HMCN1: variants seen among roughly 807,000 people sequenced by gnomAD.
The protein encoded by HMCN1 is hemicentin 1.
In HMCN1, 321 loss-of-function variants were observed where a neutral mutation model predicts 625.9. That is an observed-to-expected ratio of 0.51 (90% CI 0.47 to 0.56). HMCN1 has a LOEUF of 0.56. Ranked by LOEUF, HMCN1 falls within the 20% of genes least tolerant of loss-of-function variation. The probability of loss-of-function intolerance (pLI) is 0.00; values close to 1 mark genes in which losing one functional copy is unlikely to be tolerated. For missense variants in HMCN1, 6,588 were observed against 6,887.3 expected, an observed-to-expected ratio of 0.96 and a Z score of 1.54; for synonymous variants, 2,425 against 2,417.6, an observed-to-expected ratio of 1.00 and a Z score of -0.09.
intron 106 of HMCN1, among the ~76,000 whole-genome samples, chr1:186,188,627 TC>T (rs1653509025): frequency 6.6e-6 from 1 of 152,142 alleles, no homozygotes; most frequent in Non-Finnish European, 1.5e-5. Flanking sequence ...GTGATAATAT[TC>T]CTCTTGGATA....
intron 71 of HMCN1, among the ~76,000 whole-genome samples, chr1:186,111,954 C>A (rs775263205): frequency 6.6e-6 from 1 of 152,100 alleles, no homozygotes; most frequent in African/African-American, 2.4e-5. Flanking sequence ...TTGGGCTATT[C>A]CTGAAATGCT....
intron 4 of HMCN1, among the ~76,000 whole-genome samples, chr1:185,871,207 C>A (rs542178786): frequency 5.1e-4 from 71 of 140,536 alleles, no homozygotes; most frequent in Admixed American, 1.5e-3. Context: ...CCAGCCTGGG[C>A]GACAGAGAGA....
chr1:186,115,578 ATTTT>A (rs1180449414), intron 75 of HMCN1, among the ~76,000 whole-genome samples, 164 bp downstream of exon 75: 1 of 152,064 alleles, frequency 6.6e-6, no homozygotes, highest in Non-Finnish European at 1.5e-5. Context: ...AGCCTAAAAT[ATTTT>A]TCTGAATTAT....
intron 1 of HMCN1, among the ~76,000 whole-genome samples, chr1:185,838,621 T>C (rs1477605078): frequency 6.6e-6 from 1 of 152,086 alleles, no homozygotes; most frequent in Non-Finnish European, 1.5e-5. Context: ...AATCATCCCA[T>C]TGAACTTCAC....
In HMCN1 at chr1:185,865,624, CACACACAT is replaced by C. The variant is rs1348728335; in HGVS notation, c.499-116_499-109del. The C allele has an allele frequency of 1.8e-4, 132 of 739,066 alleles. No individual in the cohort carries two copies. In the African/African-American group the frequency reaches 2.1e-3, roughly 12 times the overall value. The allele number at this position is 739,066 out of a possible 1,614,324, so 45.8% of individuals were successfully genotyped here. ...ACACACACACACACACACACACACA[CACACACAT>C]TCACATATTCTACTTGCCCAGTAAT... is the stretch of plus-strand genomic sequence containing the variant. On this transcript the variant is annotated intron_variant, in intron 3 of 106. Transcript: ENST00000271588.
chr1:186,061,336 C>T lies in HMCN1; in HGVS notation c.7313-515C>T, dbSNP rs368945107. Among the ~76,000 whole-genome samples, 63 of 152,168 alleles carry T rather than the reference C, an allele frequency of 4.1e-4. 1 individual carries two copies. The South Asian group carries it at 0.012, about 30-fold the overall frequency. On this transcript the variant is annotated intron_variant, in intron 46 of 106. Coordinates refer to ENST00000271588, the MANE Select transcript of HMCN1 (RefSeq NM_031935.3). ...AGTATGTGAAGGAAGACCTGTCAAACGCTTATGAAACCATCAGATCTTATG... is the reference window on the plus strand; with the variant it reads ...AGTATGTGAAGGAAGACCTGTCAAATGCTTATGAAACCATCAGATCTTATG...
rs1017672119 is a variant in HMCN1 at position 186,063,480 on chromosome 1, A to T, written c.7513+880A>T. Among the ~76,000 whole-genome samples, 22 of 146,728 alleles carry T rather than the reference A, an allele frequency of 1.5e-4. 2 individuals carry two copies. In the South Asian group the frequency reaches 4.6e-3, roughly 31 times the overall value. ...AAGGAAGGAAGGAAGGAAGGAAGGA[A>T]GGAAGGAAGGAAGGAAGGAAGGAAG... On this transcript the variant is annotated intron_variant, in intron 48 of 106. Transcript: ENST00000271588.
chr1:185,860,731 G>A (rs995172674), intron 2 of HMCN1, among the ~76,000 whole-genome samples: 18 of 152,146 alleles, frequency 1.2e-4, no homozygotes, highest in African/African-American at 4.1e-4. Flanking sequence ...AAAAGTCCAA[G>A]AAATAAAAGG....
intron 1 of HMCN1, among the ~76,000 whole-genome samples, chr1:185,768,983 G>C (rs1255650985): frequency 6.6e-6 from 1 of 152,044 alleles, no homozygotes; most frequent in Non-Finnish European, 1.5e-5. Flanking sequence ...ATCCTAAAAG[G>C]AATATGAAAA....
At chr1:185,977,395 C>T (rs1051744944) in intron 15 of HMCN1, among the ~76,000 whole-genome samples, 8 of 151,938 alleles carry the variant, frequency 5.3e-5, no homozygotes, top group Admixed American at 1.3e-4. Context: ...GAGTAAGTTA[C>T]GGAAAGTGTC....
rs139011410 is a variant in HMCN1 at position 185,978,087 on chromosome 1, C to T, written c.2566+106C>T. The T allele has an allele frequency of 1.1e-5, 9 of 812,366 alleles. No homozygotes were observed. In the East Asian group the frequency reaches 2.4e-4, roughly 22 times the overall value. The allele number at this position is 812,366 out of a possible 1,614,324, so 50.3% of individuals were successfully genotyped here. A position where few individuals can be genotyped will look rare whatever the true frequency, so the allele number is the denominator to read the frequency against. On this transcript the variant is annotated intron_variant, in intron 16 of 106. Transcript: ENST00000271588. ...TAAAATAGTATATTAATCTTGCCAA[C>T]ACATTTTATGTTCATTGCATTTTAC...
intron 11 of HMCN1, among the ~76,000 whole-genome samples, chr1:185,958,621 A>G (rs1649792305): frequency 6.6e-6 from 1 of 152,216 alleles, no homozygotes; most frequent in East Asian, 1.9e-4. Flanking sequence ...ACTACATGCC[A>G]GGCATTGTTC....
chr1:186,113,241 A>G (rs1205766658), intron 72 of HMCN1, among the ~76,000 whole-genome samples: 1 of 152,234 alleles, frequency 6.6e-6, no homozygotes, highest in African/African-American at 2.4e-5. Flanking sequence ...GGAAGTCAAT[A>G]CACTAAATCA....
rs528278492 is a variant in HMCN1 at position 185,993,196 on chromosome 1, C to G, written c.3392C>G (p.Pro1131Arg). 2 of 1,612,466 alleles carry G rather than the reference C, an allele frequency of 1.2e-6. No individual in the cohort carries two copies. The highest frequency in any genetic ancestry group is 2.7e-5 in the African/African-American group (2 of 74,982). ...SPFSPRHTFLPSGSMKITETR... is the reference protein window; with the variant it reads ...SPFSPRHTFLRSGSMKITETR... ...CTTTCTTTTAGACACACATTCCTCC[C>G]TTCTGGTTCAATGAAGATCACTGAA... The change falls in exon 23 of 107, where the codon CCT (proline) becomes CGT (arginine). Residue 1131 changes from proline to arginine, a missense_variant. Physicochemically the swap from Pro to Arg is moderately radical, Grantham distance 103. Transcript: ENST00000271588.
chr1:186,083,336 A>G (rs897621934), intron 57 of HMCN1, among the ~76,000 whole-genome samples: 1 of 152,112 alleles, frequency 6.6e-6, no homozygotes, highest in Non-Finnish European at 1.5e-5. Context: ...CCTTAAGTGC[A>G]GAATTCATGT....
At chr1:186,130,723 C>A (rs908403615) in intron 85 of HMCN1, 26 bp downstream of exon 85, 8 of 1,599,994 alleles carry the variant, frequency 5.0e-6, no homozygotes, top group Non-Finnish European at 5.1e-6. Context: ...ATGATTGATG[C>A]ACCTTTAAAC....
intron 6 of HMCN1, among the ~76,000 whole-genome samples, chr1:185,915,850 A>T (rs776877018): frequency 3.3e-5 from 5 of 152,092 alleles, no homozygotes; most frequent in Non-Finnish European, 7.4e-5. Flanking sequence ...TGTAGTCTAT[A>T]CAAGGTGTGT....
At chr1:186,144,094 GAGTT>G in intron 89 of HMCN1, 75 bp from the exon 90 acceptor site, 4 of 1,329,724 alleles carry the variant, frequency 3.0e-6, no homozygotes, top group Non-Finnish European at 4.1e-6. Context: ...GCTCATTACT[GAGTT>G]AATTTATTTA....
chr1:186,162,800 C>G (rs1422024053), intron 97 of HMCN1, among the ~76,000 whole-genome samples: 1 of 152,164 alleles, frequency 6.6e-6, no homozygotes, highest in African/African-American at 2.4e-5. Flanking sequence ...GTACCCGGCC[C>G]TGTGAGGTGT....
Sources: gnomAD v4.1 joint callset for allele counts (sites outside exome capture counted in the v4.1 genomes callset) on GRCh38, gnomAD v4.1.1 for gene constraint, MANE v1.5 for transcripts, NCBI Gene and HGNC (gene_info 2026-07-23, HGNC 2026-07-21) for gene names.